Variants in KCTD16 observed in about 807,000 individuals in gnomAD.
The protein encoded by KCTD16 is potassium channel tetramerization domain containing 16, also known as BTB/POZ domain-containing protein KCTD16.
Under a neutral mutation model 33.2 loss-of-function variants are expected in KCTD16, and 13 were observed. The ratio of observed to expected loss-of-function variants is 0.39; its 90% CI spans 0.25 to 0.62. KCTD16 has a LOEUF of 0.62. Ranked by LOEUF, KCTD16 falls within the 20% of genes least tolerant of loss-of-function variation. The pLI is 0.50. For missense variants in KCTD16, 441 were observed against 525.1 expected (o/e 0.84, Z 1.57); for synonymous variants, 197 against 195.3 (o/e 1.01, Z -0.07).
intron 3 of KCTD16, among the ~76,000 whole-genome samples, chr5:144,267,389 G>A (rs1016776648): frequency 1.3e-5 from 2 of 152,142 alleles, no homozygotes; most frequent in Non-Finnish European, 2.9e-5. Context: ...GGCACATAGG[G>A]AAAGACTGGG....
At chr5:144,402,111 C>T (rs17101874) in intron 3 of KCTD16, among the ~76,000 whole-genome samples, 6,402 of 152,186 alleles carry the variant, frequency 0.042, 434 homozygotes, top group African/African-American at 0.14. Context: ...CATATTCTGT[C>T]TTTAGAAGAA....
chr5:144,398,708 A>ACTCTCTCTCTCTCTCTCTCTCT (rs367796082), intron 3 of KCTD16, among the ~76,000 whole-genome samples: 56 of 145,528 alleles, frequency 3.8e-4, no homozygotes, highest in African/African-American at 1.3e-3. Flanking sequence ...ACACACACAC[A>ACTCTCTCTCTCTCTCTCTCTCT]CTCTCTCTCT....
At chr5:144,323,880 G>C (rs1344652433) in intron 3 of KCTD16, among the ~76,000 whole-genome samples, 1 of 152,136 alleles carries the variant, frequency 6.6e-6, no homozygotes, top group African/African-American at 2.4e-5. Context: ...CAGATCACTT[G>C]AATTCAAGAT....
rs190181424 is a variant in KCTD16 at position 144,197,631 on chromosome 5, A to G, written c.-326-8758A>G. Among the ~76,000 whole-genome samples the G allele has an allele frequency of 4.6e-5, 7 of 152,322 alleles. No homozygotes were observed. The East Asian group carries it at 1.2e-3, about 25-fold the overall frequency. On this transcript the variant is annotated intron_variant, in intron 2 of 3. Transcript: ENST00000512467. ...TTGTGTTGGTGTTCTTTGTGATGCCAAACCATTGGGTACACAGTGAGCATA... is the reference window on the plus strand; with the variant it reads ...TTGTGTTGGTGTTCTTTGTGATGCCGAACCATTGGGTACACAGTGAGCATA...
At chr5:144,266,610 A>C (rs949163115) in intron 3 of KCTD16, among the ~76,000 whole-genome samples, 1 of 152,182 alleles carries the variant, frequency 6.6e-6, no homozygotes, top group Non-Finnish European at 1.5e-5. Context: ...GCTTTGACCA[A>C]ATACCCTTCC....
chr5:144,393,419 A>T (rs1287289900), intron 3 of KCTD16, among the ~76,000 whole-genome samples: 1 of 152,078 alleles, frequency 6.6e-6, no homozygotes, highest in African/African-American at 2.4e-5. Flanking sequence ...GTGTTTTTCT[A>T]TGTGAATATT....
chr5:144,272,410 A>G (rs1450743299), intron 3 of KCTD16, among the ~76,000 whole-genome samples: 1 of 152,170 alleles, frequency 6.6e-6, no homozygotes, highest in Non-Finnish European at 1.5e-5. Flanking sequence ...AGCCTGGGCA[A>G]CAAGAGTGAA....
chr5:144,202,042 G>A (rs370836181), intron 2 of KCTD16, among the ~76,000 whole-genome samples: 23 of 152,300 alleles, frequency 1.5e-4, no homozygotes, highest in African/African-American at 4.8e-4. Flanking sequence ...AAACAGAGGC[G>A]AAAACATATT....
intron 3 of KCTD16, among the ~76,000 whole-genome samples, chr5:144,360,264 C>G (rs868404498): frequency 3.3e-5 from 5 of 152,064 alleles, no homozygotes; most frequent in Admixed American, 2.6e-4. Context: ...TCCTACCCCC[C>G]AAGAGGCCCC....
intron 3 of KCTD16, among the ~76,000 whole-genome samples, chr5:144,336,753 C>T (rs1318770312): frequency 6.6e-6 from 1 of 152,096 alleles, no homozygotes; most frequent in Non-Finnish European, 1.5e-5. Flanking sequence ...TATGAATCTA[C>T]TTCCATCCAT....
At chr5:144,177,973 G>A (rs1034314835) in intron 2 of KCTD16, among the ~76,000 whole-genome samples, 4 of 152,114 alleles carry the variant, frequency 2.6e-5, no homozygotes, top group African/African-American at 9.7e-5. Flanking sequence ...CACTATTGCA[G>A]AGTGGCAAAC....
intron 3 of KCTD16, among the ~76,000 whole-genome samples, chr5:144,439,017 C>T (rs79729646): frequency 4.6e-5 from 7 of 151,338 alleles, no homozygotes; most frequent in South Asian, 4.2e-4. Context: ...GTTCCTTCCT[C>T]GTTCTAATTT....
intron 3 of KCTD16, among the ~76,000 whole-genome samples, chr5:144,304,856 T>C (rs1248276081): frequency 6.6e-6 from 1 of 152,176 alleles, no homozygotes; most frequent in African/African-American, 2.4e-5. Flanking sequence ...TCCTTCTCAT[T>C]AGCACCACCT....
At chr5:144,194,035 C>T (rs1241819658) in intron 2 of KCTD16, among the ~76,000 whole-genome samples, 1 of 151,670 alleles carries the variant, frequency 6.6e-6, no homozygotes, top group Non-Finnish European at 1.5e-5. Context: ...AAATGCCCAG[C>T]AGGTGTATGG....
intron 3 of KCTD16, among the ~76,000 whole-genome samples, chr5:144,448,890 C>G (rs976243300): frequency 6.6e-6 from 1 of 151,906 alleles, no homozygotes; most frequent in Non-Finnish European, 1.5e-5. Context: ...ATATGATAAA[C>G]TTTTGGTACA....
intron 3 of KCTD16, among the ~76,000 whole-genome samples, chr5:144,347,434 A>C (rs565885339): frequency 1.3e-5 from 2 of 152,274 alleles, no homozygotes; most frequent in East Asian, 3.9e-4. Flanking sequence ...GTCTCTACTA[A>C]AAATACAAAA....
intron 2 of KCTD16, among the ~76,000 whole-genome samples, chr5:144,200,850 C>T (rs974692519): frequency 1.3e-5 from 2 of 152,200 alleles, no homozygotes; most frequent in South Asian, 2.1e-4. Context: ...TATTCTCCCC[C>T]CTCAGCCTCC....
intron 3 of KCTD16, among the ~76,000 whole-genome samples, chr5:144,369,736 A>T (rs551294774): frequency 1.0e-3 from 156 of 152,310 alleles, no homozygotes; most frequent in African/African-American, 3.7e-3. Context: ...CTTAGTAAGG[A>T]GAATTTGTGA....
chr5:144,271,620 A>G (rs1391021904), intron 3 of KCTD16, among the ~76,000 whole-genome samples: 1 of 152,108 alleles, frequency 6.6e-6, no homozygotes, highest in Non-Finnish European at 1.5e-5. Context: ...CTTCACTTCT[A>G]TTTAACGTAA....
Sources: allele counts gnomAD v4.1 joint callset (sites outside exome capture counted in the v4.1 genomes callset), GRCh38; gene constraint gnomAD v4.1.1; transcripts MANE v1.5; gene names NCBI Gene and HGNC (gene_info 2026-07-23, HGNC 2026-07-21).